Variants in ZPR1 observed in about 807,000 individuals in gnomAD.
The protein encoded by ZPR1 is zinc finger protein ZPR1.
Under a neutral mutation model 59.6 loss-of-function variants are expected in ZPR1, and 37 were observed. The ratio of observed to expected loss-of-function variants is 0.62; its 90% CI spans 0.48 to 0.82. The LOEUF is 0.82. Ranked by LOEUF, ZPR1 falls within the 40% of genes least tolerant of loss-of-function variation. The probability of loss-of-function intolerance (pLI) is 0.00; values close to 1 mark genes in which losing one functional copy is unlikely to be tolerated. For synonymous variants in ZPR1, 191 were observed against 215.2 expected (o/e 0.89, Z 0.99); for missense variants, 527 against 579.9 (o/e 0.91, Z 0.94).
chr11:116,778,692 C>T lies in ZPR1; in HGVS notation c.*233G>A. The T allele has an allele frequency of 2.0e-6, 1 of 494,872 alleles. No homozygotes were observed. The highest frequency in any genetic ancestry group is 3.6e-5 in the South Asian group (1 of 28,142). The allele number at this position is 494,872 out of a possible 1,614,324, so 30.7% of individuals were successfully genotyped here. On this transcript the variant is annotated 3_prime_UTR_variant, in exon 14 of 14. Transcript: ENST00000227322. The stretch of plus-strand genomic sequence containing the variant: ...ATACCCCTGGTTCATTTCTGGGTTT[C>T]CTCCTAGGCCAATTCAAAACTTCCA...
At chr11:116,783,697 T>C in intron 9 of ZPR1, 78 bp from the exon 10 acceptor site, 1 of 1,179,020 alleles carries the variant, frequency 8.5e-7, no homozygotes, top group Non-Finnish European at 1.3e-6. Flanking sequence ...GAGTGTAGGC[T>C]TGGACATCCA....
Position 116,775,546 on chromosome 11 carries a change from T to G in ZPR1, c.*3379A>C. ...AGAAGGCTGAGGCAAGAGAATCGCT[T>G]GAACCTGGGAGGCAGAGGTTGTGGT... On this transcript the variant is annotated 3_prime_UTR_variant, in exon 14 of 14. Transcript: ENST00000227322. 1 of 153,742 alleles carries G rather than the reference T, an allele frequency of 6.5e-6. No homozygotes were observed. 9.5% of individuals were successfully genotyped at this position (153,742 alleles called of 1,614,324 possible).
intron 4 of ZPR1, 47 bp from the exon 5 acceptor site, chr11:116,785,929 T>C (rs1419808751): frequency 4.5e-6 from 7 of 1,540,906 alleles, no homozygotes; most frequent in Admixed American, 3.3e-5. Flanking sequence ...GTGTACCTTA[T>C]GCCCTGCCCC....
rs1422633091 is a variant in ZPR1 at position 116,778,960 on chromosome 11, C to G, written c.1345G>C (p.Glu449Gln). The G allele has an allele frequency of 5.6e-6, 9 of 1,614,088 alleles. No homozygotes were observed. Among genetic ancestry groups the G allele is most frequent in the Non-Finnish European group, 7.6e-6 (9 of 1,180,060 alleles). Residue 449 changes from glutamate to glutamine, a missense_variant, in exon 14 of 14, where the codon GAG (glutamate) becomes CAG (glutamine). Coordinates refer to ENST00000227322, the MANE Select transcript of ZPR1 (RefSeq NM_003904.5). ...EELGLNDMKT[E>Q]GYEAGLAPQR ...GGAGCCAGGCCTGCCTCATAGCCCT[C>G]TGTCTTCATGTCATTGAGCCCTAGC... is the stretch of plus-strand genomic sequence containing the variant.
intron 13 of ZPR1, 79 bp from the exon 14 acceptor site, chr11:116,779,138 C>A: frequency 6.4e-7 from 1 of 1,570,876 alleles, no homozygotes; most frequent in Non-Finnish European, 8.6e-7. Flanking sequence ...CCCACCTTCC[C>A]AAGAACAGAA....
chr11:116,781,970 C>T (rs1940811898), intron 12 of ZPR1, among the ~76,000 whole-genome samples, 188 bp downstream of exon 12: 1 of 151,722 alleles, frequency 6.6e-6, no homozygotes, highest in Non-Finnish European at 1.5e-5. Flanking sequence ...CGAGATCACG[C>T]CACTGCACTC....
At position 116,786,526 on chromosome 11, in the gene ZPR1, G is replaced by T. The variant is rs761343897; in HGVS notation, c.480C>A (p.Asp160Glu). ...CCCAGCTTACCCTTCGTGCAGGCTGGTCCTGCTCCAGGCCAGAGATAGCAC... is the reference window on the plus strand; with the variant it reads ...CCCAGCTTACCCTTCGTGCAGGCTGTTCCTGCTCCAGGCCAGAGATAGCAC... ...ITRAISGLEQ[D>E]QPARRANKDA... is the part of the protein sequence containing the mutation. Residue 160 changes from aspartate to glutamate, a missense_variant, in exon 4 of 14, where the codon GAC becomes GAA. By Grantham distance (45) the Asp-to-Glu change is conservative. Transcript: ENST00000227322. 6.2e-7 allele frequency: 1 copy of T among 1,614,194 alleles called. No individual in the cohort carries two copies. The highest frequency in any genetic ancestry group is 1.3e-5 in the African/African-American group (1 of 75,048).
chr11:116,778,878 C>G lies in ZPR1; in HGVS notation c.*47G>C. 1.3e-6 allele frequency: 2 copies of G among 1,598,404 alleles called. No individual in the cohort carries two copies. Among genetic ancestry groups the G allele is most frequent in the Non-Finnish European group, 1.7e-6 (2 of 1,174,766 alleles). The stretch of plus-strand genomic sequence containing the variant: ...GCCTTCATCCAATACTAATAAATAA[C>G]CTACAGAAAGAGCAGCGCTGGAGGC... On this transcript the variant is annotated 3_prime_UTR_variant, in exon 14 of 14. Transcript: ENST00000227322.
At chr11:116,785,318 TTAAGA>T (rs1940867211) in intron 6 of ZPR1, among the ~76,000 whole-genome samples, 172 bp from the exon 7 acceptor site, 1 of 152,142 alleles carries the variant, frequency 6.6e-6, no homozygotes, top group African/African-American at 2.4e-5. Flanking sequence ...AGAACAGGAC[TTAAGA>T]TAGGATCACA....
In ZPR1 at chr11:116,786,988, A is replaced by G. The variant is rs1023126363; in HGVS notation, c.405T>C (p.Pro135=). 1 of 1,614,034 alleles carries G rather than the reference A, an allele frequency of 6.2e-7. No individual in the cohort carries two copies. The highest frequency in any genetic ancestry group is 8.5e-7 in the Non-Finnish European group (1 of 1,179,960). Residue 135 remains proline, a synonymous_variant, in exon 3 of 14, where the codon CCT becomes CCC. Transcript: ENST00000227322. ...ACTTACCTCCTTTCTGGCTAAAGGC[A>G]GGAATTTCAAAATCTAGCTCAGGAA... The part of the protein sequence containing the change: ...TRIPELDFEI[P]AFSQKGALTT...
At chr11:116,779,139 A>G (rs1940766015) in intron 13 of ZPR1, 80 bp from the exon 14 acceptor site, 17 of 1,569,446 alleles carry the variant, frequency 1.1e-5, no homozygotes, top group South Asian at 4.6e-5. Context: ...CCACCTTCCC[A>G]AGAACAGAAT....
chr11:116,784,368 G>A lies in ZPR1; in HGVS notation c.891+10C>T, dbSNP rs139678706. 754 of 1,613,618 alleles carry A rather than the reference G, an allele frequency of 4.7e-4. 4 individuals carry two copies. In the East Asian group the frequency reaches 0.013, roughly 27 times the overall value. ...GCTAGTCTTCTTCCCAAATAATGGC[G>A]CCCACCCACCTCATTGGTCCGATGC... On this transcript the variant is annotated intron_variant, in intron 9 of 13. Transcript: ENST00000227322.
At chr11:116,785,167 G>T in intron 6 of ZPR1, 21 bp from the exon 7 acceptor site, 1 of 1,613,584 alleles carries the variant, frequency 6.2e-7, no homozygotes, top group Non-Finnish European at 8.5e-7. Context: ...AAAGATGCAG[G>T]TCGCAAGTTG....
chr11:116,781,750 C>T (rs993458137), intron 12 of ZPR1, among the ~76,000 whole-genome samples: 1 of 152,154 alleles, frequency 6.6e-6, no homozygotes, highest in African/African-American at 2.4e-5. Flanking sequence ...CGGTGGCTCA[C>T]GCCTGTAATC....
At position 116,787,864 on chromosome 11, in the gene ZPR1, G is replaced by T; in HGVS notation, c.127C>A (p.Gln43Lys). ...CATAGCGACTCGATCTCGGTGGGCT[G>T]CTGCTCCTCGTCCTCGGCGCTGATG... is the stretch of plus-strand genomic sequence containing the variant. ...RPISAEDEEQ[Q>K]PTEIESLCMN... The change falls in exon 1 of 14, where the codon CAG (glutamine) becomes AAG (lysine). Residue 43 changes from glutamine (Q) to lysine (K), a missense_variant. By Grantham distance (53) the Gln-to-Lys change is moderately conservative (BLOSUM62 1). Coordinates refer to ENST00000227322, the MANE Select transcript of ZPR1 (RefSeq NM_003904.5). 1 of 1,528,926 alleles carries T rather than the reference G, an allele frequency of 6.5e-7. No individual in the cohort carries two copies. Among genetic ancestry groups the T allele is most frequent in the Non-Finnish European group, 8.8e-7 (1 of 1,138,318 alleles). The allele number at this position is 1,528,926 out of a possible 1,614,324, so 94.7% of individuals were successfully genotyped here.
Position 116,787,634 on chromosome 11 carries a change from G to A in ZPR1, c.181C>T (p.Arg61Cys). Residue 61 changes from arginine (R) to cysteine (C), a missense_variant, in exon 2 of 14, where the codon CGC (arginine) becomes TGC (cysteine). Transcript: ENST00000227322. ...AAGGGAATCTTGGTGAGCAGGAGGC[G>A]CGTCATGCCCTGGTGAAGTAGAAAG... Reference protein sequence around the residue: ...CMNCYCNGMTRLLLTKIPFFR... With the variant: ...CMNCYCNGMTCLLLTKIPFFR... The A allele has an allele frequency of 6.2e-7, 1 of 1,611,280 alleles. No individual in the cohort carries two copies.
At position 116,775,918 on chromosome 11, in the gene ZPR1, C is replaced by T. The variant is rs985743949; in HGVS notation, c.*3007G>A. 2.0e-5 allele frequency: 3 copies of T among 152,672 alleles called. No homozygotes were observed. Among genetic ancestry groups the T allele is most frequent in the Non-Finnish European group, 4.4e-5 (3 of 68,046 alleles). The allele number at this position is 152,672 out of a possible 1,614,324, so 9.5% of individuals were successfully genotyped here. ...AATAAAGCCAAGTAGTCTTAGCCAC[C>T]ACTGCCCTAAATGTAAGCAGAGACA... On this transcript the variant is annotated 3_prime_UTR_variant, in exon 14 of 14. Coordinates refer to ENST00000227322, the MANE Select transcript of ZPR1 (RefSeq NM_003904.5).
In ZPR1 at chr11:116,774,283, A is replaced by C. The variant is rs1940692094; in HGVS notation, c.*4642T>G. ...TTCAAGTAAACAATACAGAATTATT[A>C]GCTATAGTCAACATGTTGTACATTA... On this transcript the variant is annotated 3_prime_UTR_variant, in exon 14 of 14. Coordinates refer to ENST00000227322, the MANE Select transcript of ZPR1 (RefSeq NM_003904.5). 1 of 152,166 alleles carries C rather than the reference A, an allele frequency of 6.6e-6. No homozygotes were observed. The highest frequency in any genetic ancestry group is 2.4e-5 in the African/African-American group (1 of 41,448). The allele number at this position is 152,166 out of a possible 1,614,324, so 9.4% of individuals were successfully genotyped here. A position where few individuals can be genotyped will look rare whatever the true frequency, so the allele number is the denominator to read the frequency against.
intron 6 of ZPR1, 152 bp downstream of exon 6, chr11:116,785,362 C>T (rs1235562397): frequency 2.4e-6 from 3 of 1,248,542 alleles, no homozygotes; most frequent in Non-Finnish European, 3.3e-6. Context: ...GTGAAGTTTA[C>T]CCAAGTCCTG....
Sources: gnomAD v4.1 joint callset for allele counts (sites outside exome capture counted in the v4.1 genomes callset) on GRCh38, gnomAD v4.1.1 for gene constraint, MANE v1.5 for transcripts, NCBI Gene and HGNC (gene_info 2026-07-23, HGNC 2026-07-21) for gene names.